The following KMO variants were observed in gnomAD, a reference collection of about 807,000 sequenced individuals.
KMO encodes the protein kynurenine 3-monooxygenase, also known as kynurenine 3-hydroxylase.
Under a neutral mutation model 57.8 loss-of-function variants are expected in KMO, and 24 were observed. The observed-to-expected ratio is 0.42, with a 90% CI of 0.30 to 0.58. The LOEUF is 0.58. KMO is among the 20% of genes least tolerant of loss of function. The pLI is 0.22. For synonymous variants in KMO, 210 were observed against 193.6 expected, an observed-to-expected ratio of 1.08 and a Z score of -0.70; for missense variants, 483 against 588.2, an observed-to-expected ratio of 0.82 and a Z score of 1.85.
At chr1:241,537,873 G>A (rs933016088) in intron 1 of KMO, among the ~76,000 whole-genome samples, 15 of 152,150 alleles carry the variant, frequency 9.9e-5, no homozygotes, top group African/African-American at 3.6e-4. Context: ...CACAACACAT[G>A]AGGATTATGG....
chr1:241,547,182 A>G (rs192635090), intron 1 of KMO, among the ~76,000 whole-genome samples: 2 of 152,320 alleles, frequency 1.3e-5, no homozygotes, highest in Non-Finnish European at 2.9e-5. Flanking sequence ...ATTCTTCATG[A>G]TCTCAGAATA....
chr1:241,550,442 T>C (rs1042988135), intron 3 of KMO, among the ~76,000 whole-genome samples: 15 of 152,238 alleles, frequency 9.9e-5, no homozygotes, highest in African/African-American at 3.4e-4. Flanking sequence ...CTGTCTATGT[T>C]AGCTTGGTAA....
intron 9 of KMO, among the ~76,000 whole-genome samples, chr1:241,567,459 C>G (rs1662127807): frequency 6.6e-6 from 1 of 152,136 alleles, no homozygotes. Flanking sequence ...CTCCCAAGAC[C>G]TAATCACCAC....
intron 5 of KMO, among the ~76,000 whole-genome samples, chr1:241,557,691 G>T (rs374953892): frequency 6.6e-6 from 1 of 152,116 alleles, no homozygotes; most frequent in Non-Finnish European, 1.5e-5. Flanking sequence ...AGCCGGGTGC[G>T]GTGGCTCACA....
intron 1 of KMO, among the ~76,000 whole-genome samples, chr1:241,542,528 A>T (rs1017004576): frequency 2.6e-5 from 4 of 152,238 alleles, no homozygotes; most frequent in African/African-American, 9.6e-5. Context: ...GTGAGCAAAC[A>T]TCTCACTATC....
intron 10 of KMO, among the ~76,000 whole-genome samples, chr1:241,574,736 T>C (rs1474471658): frequency 2.6e-5 from 4 of 151,946 alleles, no homozygotes; most frequent in Non-Finnish European, 4.4e-5. Context: ...TCTTTCTTTG[T>C]TATGTCTTCT....
intron 1 of KMO, among the ~76,000 whole-genome samples, chr1:241,546,444 T>C (rs1661152859): frequency 6.6e-6 from 1 of 152,062 alleles, no homozygotes; most frequent in African/African-American, 2.4e-5. Flanking sequence ...TTACTGCTTG[T>C]GGAAAATAAA....
At chr1:241,552,206 G>A (rs1484068559) in intron 4 of KMO, among the ~76,000 whole-genome samples, 2 of 149,834 alleles carry the variant, frequency 1.3e-5, no homozygotes, top group Non-Finnish European at 3.0e-5. Flanking sequence ...GAGAAAGAGC[G>A]TGCATACATT....
At chr1:241,553,243 A>G (rs536581599) in intron 4 of KMO, among the ~76,000 whole-genome samples, 2 of 152,346 alleles carry the variant, frequency 1.3e-5, no homozygotes, top group Non-Finnish European at 2.9e-5. Context: ...CTTGATGGGA[A>G]CGACTCAAAT....
intron 1 of KMO, among the ~76,000 whole-genome samples, chr1:241,547,538 G>A (rs1464943387): frequency 1.3e-5 from 2 of 150,452 alleles, no homozygotes; most frequent in African/African-American, 4.9e-5. Context: ...ATATGAAAAA[G>A]TGCTCACTGC....
At position 241,561,745 on chromosome 1, in the gene KMO, T is replaced by G. The variant is rs3753215; in HGVS notation, c.450-422T>G. Among the ~76,000 whole-genome samples, 36 of 152,348 alleles carry G rather than the reference T, an allele frequency of 2.4e-4. 1 individual carries two copies. The East Asian group carries it at 5.8e-3, about 24-fold the overall frequency. On this transcript the variant is annotated intron_variant, in intron 6 of 14. Transcript: ENST00000366559. Reference sequence around the variant, plus strand: ...CAAGATTCTCTTCTTTTCCCCTTCCTTTCTCTCCCTACCTTGTATTCTTTT... The same window carrying G: ...CAAGATTCTCTTCTTTTCCCCTTCCGTTCTCTCCCTACCTTGTATTCTTTT...
intron 5 of KMO, among the ~76,000 whole-genome samples, chr1:241,558,401 G>T (rs1425910608): frequency 1.3e-5 from 2 of 152,122 alleles, no homozygotes; most frequent in African/African-American, 4.8e-5. Flanking sequence ...ATCAAATGTG[G>T]GAGGTTTTCA....
chr1:241,552,223 G>C (rs12083836), intron 4 of KMO, among the ~76,000 whole-genome samples: 10 of 152,006 alleles, frequency 6.6e-5, no homozygotes, highest in Non-Finnish European at 1.2e-4. Flanking sequence ...CATTCCCCAA[G>C]AGAGTGAAAG....
intron 1 of KMO, among the ~76,000 whole-genome samples, chr1:241,538,321 A>G (rs369261176): frequency 1.3e-5 from 2 of 152,204 alleles, no homozygotes; most frequent in East Asian, 3.9e-4. Context: ...TCCTTACTCC[A>G]TAGTAATAAG....
intron 1 of KMO, among the ~76,000 whole-genome samples, chr1:241,545,370 G>T (rs1244631415): frequency 6.6e-6 from 1 of 152,158 alleles, no homozygotes; most frequent in Non-Finnish European, 1.5e-5. Flanking sequence ...TTAAGAAACA[G>T]AAATGTCTTG....
intron 10 of KMO, among the ~76,000 whole-genome samples, chr1:241,586,399 C>T (rs544200924): frequency 6.6e-6 from 1 of 151,934 alleles, no homozygotes; most frequent in East Asian, 1.9e-4. Flanking sequence ...GGGGTCTCAT[C>T]ATGTTGCCCA....
chr1:241,582,725 T>C (rs1478283041), intron 10 of KMO, among the ~76,000 whole-genome samples: 2 of 152,214 alleles, frequency 1.3e-5, no homozygotes, highest in Non-Finnish European at 2.9e-5. Context: ...AATTCTCTAT[T>C]TGAAAGGTCA....
Position 241,548,941 on chromosome 1 carries a change from T to C in KMO, c.124+43T>C, listed in dbSNP as rs570619402. ...AAAGCAGGATGAACGCTGGGCACGG[T>C]GGCTCCTGGCACTTTGGGAGGCCAG... is the stretch of plus-strand genomic sequence containing the variant. On this transcript the variant is annotated intron_variant, in intron 2 of 14. Transcript: ENST00000366559. The C allele has an allele frequency of 3.7e-6, 5 of 1,333,652 alleles. No individual in the cohort carries two copies. In the Admixed American group the frequency reaches 6.7e-5, roughly 18 times the overall value. 82.6% of individuals were successfully genotyped at this position (1,333,652 alleles called of 1,614,324 possible).
At chr1:241,555,570 A>T (rs1661581109) in intron 4 of KMO, 42 bp from the exon 5 acceptor site, 1 of 1,087,178 alleles carries the variant, frequency 9.2e-7, no homozygotes, top group Non-Finnish European at 1.4e-6. Context: ...ATATTTGTCC[A>T]TTCACCAGAA....
Sources: gnomAD v4.1 joint callset for allele counts (sites outside exome capture counted in the v4.1 genomes callset) on GRCh38, gnomAD v4.1.1 for gene constraint, MANE v1.5 for transcripts, NCBI Gene and HGNC (gene_info 2026-07-23, HGNC 2026-07-21) for gene names.